Variants in ABCB11 observed in about 807,000 individuals in gnomAD.
ABCB11 encodes the protein ATP binding cassette subfamily B member 11, also known as bile salt export pump.
A neutral mutation model predicts 148.0 loss-of-function variants in ABCB11; 95 were observed. The observed-to-expected ratio is 0.64, with a 90% CI of 0.54 to 0.76. The LOEUF (loss-of-function observed/expected upper bound fraction) is 0.76. Among genes scored for constraint, ABCB11 ranks in the 30% least tolerant of loss-of-function variants. The pLI is 0.00. For synonymous variants in ABCB11, 591 were observed against 555.4 expected (o/e 1.06, Z -0.90); for missense variants, 1,523 against 1,617.8 (o/e 0.94, Z 1.01).
chr2:168,979,660 G>T (rs573981155), intron 11 of ABCB11, among the ~76,000 whole-genome samples: 37 of 105,260 alleles, frequency 3.5e-4, no homozygotes, highest in African/African-American at 1.4e-3. Flanking sequence ...CAACAAGAGC[G>T]AAACTCCATC....
intron 1 of ABCB11, among the ~76,000 whole-genome samples, chr2:169,030,349 G>A (rs1285090749): frequency 6.6e-6 from 1 of 152,050 alleles, no homozygotes; most frequent in Non-Finnish European, 1.5e-5. Flanking sequence ...ACAGCAGGGG[G>A]AACCAAGGTG....
At chr2:168,969,180 T>C (rs113166579) in intron 16 of ABCB11, among the ~76,000 whole-genome samples, 170 bp downstream of exon 16, 25 of 151,736 alleles carry the variant, frequency 1.6e-4, no homozygotes, top group African/African-American at 5.8e-4. Flanking sequence ...GTGCTGTAAC[T>C]TGATCAGATA....
intron 1 of ABCB11, among the ~76,000 whole-genome samples, chr2:169,023,168 G>C (rs1695583661): frequency 6.6e-6 from 1 of 152,126 alleles, no homozygotes; most frequent in South Asian, 2.1e-4. Context: ...ATCTAGCAAG[G>C]CTAAACATGT....
At chr2:169,015,169 G>T (rs904578769) in intron 3 of ABCB11, among the ~76,000 whole-genome samples, 7 of 151,980 alleles carry the variant, frequency 4.6e-5, no homozygotes, top group African/African-American at 9.7e-5. Context: ...CCTCTGCCAG[G>T]CATTTGAACC....
chr2:168,951,031 G>A (rs1043384263), intron 19 of ABCB11, among the ~76,000 whole-genome samples: 1 of 151,548 alleles, frequency 6.6e-6, no homozygotes, highest in Non-Finnish European at 1.5e-5. Flanking sequence ...ATTGAGTAGG[G>A]TGTCACTTCT....
chr2:168,972,143 A>G (rs1411807536), intron 13 of ABCB11, 93 bp from the exon 14 acceptor site: 1 of 1,101,954 alleles, frequency 9.1e-7, no homozygotes, highest in East Asian at 2.6e-5. Context: ...GGCAGAAAAA[A>G]TAGAGGCCAA....
At chr2:168,997,766 A>G (rs1438493979) in intron 5 of ABCB11, among the ~76,000 whole-genome samples, 1 of 152,036 alleles carries the variant, frequency 6.6e-6, no homozygotes, top group Non-Finnish European at 1.5e-5. Context: ...AATACAGAAT[A>G]AACTGCACTA....
At chr2:169,014,214 C>A in intron 4 of ABCB11, 89 bp downstream of exon 4, 1 of 1,315,370 alleles carries the variant, frequency 7.6e-7, no homozygotes, top group Non-Finnish European at 1.1e-6. Context: ...AAAAACCTGC[C>A]AATATGACTA....
At position 168,923,464 on chromosome 2, in the gene ABCB11, G is replaced by T. The variant is rs1374622896; in HGVS notation, c.*158C>A. ...ATGGAAGGCCATTAGAAATTAGCTT[G>T]GATTCCGATGTAGGAAAATGACTGT... On this transcript the variant is annotated 3_prime_UTR_variant, in exon 28 of 28. Transcript: ENST00000650372. 2.9e-6 allele frequency: 2 copies of T among 679,424 alleles called. No individual in the cohort carries two copies. Among genetic ancestry groups the T allele is most frequent in the Non-Finnish European group, 5.0e-6 (2 of 399,642 alleles). The allele number at this position is 679,424 out of a possible 1,614,324, so 42.1% of individuals were successfully genotyped here. A position where few individuals can be genotyped will look rare whatever the true frequency, so the allele number is the denominator to read the frequency against.
intron 1 of ABCB11, among the ~76,000 whole-genome samples, chr2:169,029,773 G>T (rs1012083406): frequency 1.0e-5 from 1 of 98,192 alleles, no homozygotes; most frequent in South Asian, 3.5e-4. Flanking sequence ...TCGCTCTGTC[G>T]CCCAGGCCGG....
intron 16 of ABCB11, 117 bp downstream of exon 16, chr2:168,969,233 T>A (rs1351889853): frequency 1.1e-6 from 1 of 947,726 alleles, no homozygotes; most frequent in Admixed American, 2.4e-5. Flanking sequence ...ACCATCTATA[T>A]AACGCCTGCC....
chr2:168,997,269 T>A (rs1694747494), intron 5 of ABCB11, among the ~76,000 whole-genome samples: 1 of 152,204 alleles, frequency 6.6e-6, no homozygotes, highest in African/African-American at 2.4e-5. Flanking sequence ...CACTGAAAAA[T>A]GTGCCTGTTA....
Position 168,950,194 on chromosome 2 carries a change from G to A in ABCB11, c.2344-5233C>T, listed in dbSNP as rs141337764. Among the ~76,000 whole-genome samples, 445 of 146,590 alleles carry A rather than the reference G, an allele frequency of 3.0e-3. 3 individuals are homozygous for A. Among genetic ancestry groups the A allele is most frequent in the African/African-American group, 0.011 (422 of 39,330 alleles). ...AAAATAGGATATATATCCTATAAAC[G>A]CCTATAAATATGTATATATATGTGT... On this transcript the variant is annotated intron_variant, in intron 19 of 27. Coordinates refer to ENST00000650372, the MANE Select transcript of ABCB11 (RefSeq NM_003742.4).
chr2:168,931,529 A>G (rs527150), intron 24 of ABCB11, among the ~76,000 whole-genome samples: 71,696 of 152,106 alleles, frequency 0.47, 18,400 homozygotes, highest in South Asian at 0.66. Flanking sequence ...ATACCTATCT[A>G]TCAATTAGAA....
chr2:168,964,185 C>T (rs1400592930), intron 18 of ABCB11, 21 bp downstream of exon 18: 5 of 1,522,904 alleles, frequency 3.3e-6, no homozygotes, highest in Non-Finnish European at 4.5e-6. Flanking sequence ...CATTCCCCCC[C>T]ATAAGCAGTT....
chr2:168,934,788 C>G (rs1691741202), intron 23 of ABCB11, among the ~76,000 whole-genome samples: 1 of 152,174 alleles, frequency 6.6e-6, no homozygotes, highest in South Asian at 2.1e-4. Context: ...CTATTTTTTT[C>G]TATTCCTTAA....
rs771943229 is a variant in ABCB11, at chr2:168,995,490, T to A, written c.478-8A>T. 2 of 1,607,616 alleles carry A rather than the reference T, an allele frequency of 1.2e-6. No individual in the cohort carries two copies. The highest frequency in any genetic ancestry group is 1.7e-6 in the Non-Finnish European group (2 of 1,177,306). Reference sequence around the variant, plus strand: ...AATGACCCAAAAGCATATCTGGAAATGGACAAAGGAATGTTTAGCATTGCA... The same window carrying A: ...AATGACCCAAAAGCATATCTGGAAAAGGACAAAGGAATGTTTAGCATTGCA... On this transcript the variant is annotated splice_region_variant and splice_polypyrimidine_tract_variant and intron_variant, in intron 6 of 27. Transcript: ENST00000650372.
intron 1 of ABCB11, among the ~76,000 whole-genome samples, chr2:169,024,901 AC>A (rs1413924865): frequency 6.6e-6 from 1 of 152,214 alleles, no homozygotes; most frequent in African/African-American, 2.4e-5. Flanking sequence ...TTTAAAATAT[AC>A]TAAAGGAACC....
At chr2:168,969,692 A>G in intron 15 of ABCB11, 141 bp from the exon 16 acceptor site, 2 of 795,914 alleles carry the variant, frequency 2.5e-6, no homozygotes, top group Non-Finnish European at 3.9e-6. Context: ...GACATTAGAA[A>G]AGGCCAGCAC....
Sources: allele counts gnomAD v4.1 joint callset (sites outside exome capture counted in the v4.1 genomes callset), GRCh38; gene constraint gnomAD v4.1.1; transcripts MANE v1.5; gene names NCBI Gene and HGNC (gene_info 2026-07-23, HGNC 2026-07-21).